Variants in ROBO2 observed in about 807,000 individuals in gnomAD.
The protein encoded by ROBO2 is roundabout guidance receptor 2.
ROBO2 carries 53 observed loss-of-function variants against 160.8 expected under a neutral mutation model. The observed-to-expected ratio is 0.33, with a 90% CI of 0.26 to 0.41. ROBO2 has a LOEUF of 0.41. Among genes scored for constraint, ROBO2 ranks in the 10% least tolerant of loss-of-function variants. The probability of loss-of-function intolerance (pLI) is 1.00; values close to 1 mark genes in which losing one functional copy is unlikely to be tolerated. For missense variants in ROBO2, 1,577 were observed against 1,722.4 expected (o/e 0.92, Z 1.49); for synonymous variants, 664 against 611.7 (o/e 1.09, Z -1.26).
At chr3:77,076,193 A>G (rs1285234650) in intron 1 of ROBO2, among the ~76,000 whole-genome samples, 1 of 152,166 alleles carries the variant, frequency 6.6e-6, no homozygotes, top group Non-Finnish European at 1.5e-5. Flanking sequence ...GTTTATTTTT[A>G]ACTGTATCAT....
Position 76,435,548 on chromosome 3 carries a change from A to G in ROBO2, c.109+497946A>G, listed in dbSNP as rs954564167. On this transcript the variant is annotated intron_variant, in intron 2 of 26. Transcript: ENST00000487694. The stretch of plus-strand genomic sequence containing the variant: ...CTTAAAACTGCTTCTCTGCTCTGAG[A>G]AGCACAGCTACCTGCCTTCACTGAA... 34 of 590,456 alleles carry G rather than the reference A, an allele frequency of 5.8e-5. No individual in the cohort carries two copies. The African/African-American group carries it at 6.0e-4, about 10-fold the overall frequency. The allele number at this position is 590,456 out of a possible 1,614,324, so 36.6% of individuals were successfully genotyped here.
chr3:76,394,133 G>A (rs1335296941), intron 2 of ROBO2, among the ~76,000 whole-genome samples: 3 of 152,112 alleles, frequency 2.0e-5, no homozygotes, highest in East Asian at 1.9e-4. Flanking sequence ...TACATTTAAA[G>A]TTAATATTGT....
intron 2 of ROBO2, among the ~76,000 whole-genome samples, chr3:76,044,759 A>C (rs558086083): frequency 2.0e-5 from 3 of 152,172 alleles, no homozygotes; most frequent in African/African-American, 7.2e-5. Flanking sequence ...CCATGACTAA[A>C]ATACACAGAG....
At chr3:76,149,029 C>A (rs1203745685) in intron 2 of ROBO2, among the ~76,000 whole-genome samples, 2 of 152,056 alleles carry the variant, frequency 1.3e-5, no homozygotes, top group Non-Finnish European at 2.9e-5. Context: ...GATTCCCTGT[C>A]CCCTTAAGCC....
intron 8 of ROBO2, among the ~76,000 whole-genome samples, chr3:77,555,168 CT>C (rs765721996): frequency 2.6e-5 from 4 of 151,668 alleles, no homozygotes; most frequent in Non-Finnish European, 4.4e-5. Context: ...AAGGTATGAA[CT>C]TTTTTTTAGA....
chr3:76,391,873 G>GA (rs1310686295), intron 2 of ROBO2, among the ~76,000 whole-genome samples: 2 of 152,128 alleles, frequency 1.3e-5, no homozygotes, highest in African/African-American at 4.8e-5. Flanking sequence ...CAAAAATAGT[G>GA]AAAATCAATG....
At chr3:76,006,702 A>T (rs1462788188) in intron 2 of ROBO2, among the ~76,000 whole-genome samples, 1 of 152,136 alleles carries the variant, frequency 6.6e-6, no homozygotes, top group East Asian at 1.9e-4. Flanking sequence ...GAAATATAGT[A>T]GGTGCTCATT....
At chr3:76,084,509 TAC>T (rs2068941907) in intron 2 of ROBO2, among the ~76,000 whole-genome samples, 1 of 152,142 alleles carries the variant, frequency 6.6e-6, no homozygotes, top group Non-Finnish European at 1.5e-5. Flanking sequence ...TACTCAAAAT[TAC>T]ACAGTTAATT....
intron 2 of ROBO2, among the ~76,000 whole-genome samples, chr3:76,016,095 T>G (rs1269927363): frequency 6.6e-6 from 1 of 152,110 alleles, no homozygotes; most frequent in Non-Finnish European, 1.5e-5. Flanking sequence ...TACCTAGAAA[T>G]GAGGAGCATT....
At chr3:77,427,835 C>T (rs2078359477) in intron 2 of ROBO2, among the ~76,000 whole-genome samples, 1 of 152,198 alleles carries the variant, frequency 6.6e-6, no homozygotes, top group Non-Finnish European at 1.5e-5. Context: ...TGCAATAAAT[C>T]ATTAAAGATA....
chr3:76,073,753 GTAGA>G (rs2068553034), intron 2 of ROBO2, among the ~76,000 whole-genome samples: 1 of 150,888 alleles, frequency 6.6e-6, no homozygotes, highest in Non-Finnish European at 1.5e-5. Flanking sequence ...AAGAGTCCTG[GTAGA>G]TAGAAAATTA....
At chr3:77,284,623 TA>T (rs1483824101) in intron 2 of ROBO2, among the ~76,000 whole-genome samples, 5 of 152,142 alleles carry the variant, frequency 3.3e-5, no homozygotes, top group Admixed American at 2.0e-4. Context: ...CATGGTTTTG[TA>T]TTATGATCAT....
At chr3:76,255,290 G>T (rs1706285725) in intron 2 of ROBO2, among the ~76,000 whole-genome samples, 1 of 152,082 alleles carries the variant, frequency 6.6e-6, no homozygotes, top group Non-Finnish European at 1.5e-5. Flanking sequence ...ATATTTTAGG[G>T]TTTTAGCCCT....
chr3:76,166,675 A>AT (rs1559607034), intron 2 of ROBO2, among the ~76,000 whole-genome samples: 2 of 152,148 alleles, frequency 1.3e-5, no homozygotes, highest in African/African-American at 4.8e-5. Context: ...TAAATCACAT[A>AT]TAAAAAAAAA....
chr3:76,322,181 TATATATATATATATATATATATAA>T (rs2072598002), intron 2 of ROBO2, among the ~76,000 whole-genome samples: 1 of 58,296 alleles, frequency 1.7e-5, no homozygotes, highest in South Asian at 6.1e-4. Context: ...TATATATATA[TATATATATATATATATATATATAA>T]TATACACACA....
chr3:76,968,398 G>A lies in ROBO2; in HGVS notation c.110-129616G>A, dbSNP rs1182406884. 2.6e-5 allele frequency among the ~76,000 whole-genome samples: 4 copies of A among 151,922 alleles called. No individual in the cohort carries two copies. In the East Asian group the frequency reaches 5.8e-4, roughly 22 times the overall value. On this transcript the variant is annotated intron_variant, in intron 2 of 26. Transcript: ENST00000487694. ...TATGTAACAGATATTAAAATTGTGT[G>A]GAGCTCTCACAATGATCTAATCAAT...
At chr3:77,132,853 C>G (rs1167381745) in intron 2 of ROBO2, among the ~76,000 whole-genome samples, 6 of 152,040 alleles carry the variant, frequency 3.9e-5, no homozygotes, top group Non-Finnish European at 8.8e-5. Context: ...TTTAATTCAA[C>G]AAATATGTTT....
At chr3:76,776,741 T>C (rs1299437764) in intron 2 of ROBO2, among the ~76,000 whole-genome samples, 1 of 150,942 alleles carries the variant, frequency 6.6e-6, no homozygotes, top group Non-Finnish European at 1.5e-5. Context: ...ATAGCAGAGA[T>C]ACACATCTCA....
At chr3:76,758,332 T>C (rs889873854) in intron 2 of ROBO2, among the ~76,000 whole-genome samples, 1 of 151,784 alleles carries the variant, frequency 6.6e-6, no homozygotes, top group African/African-American at 2.4e-5. Flanking sequence ...CAAGCTTGCC[T>C]GTACTAAAAC....
Sources: allele counts gnomAD v4.1 joint callset (sites outside exome capture counted in the v4.1 genomes callset), GRCh38; gene constraint gnomAD v4.1.1; transcripts MANE v1.5; gene names NCBI Gene and HGNC (gene_info 2026-07-23, HGNC 2026-07-21).